The following PLXDC2 variants were observed in gnomAD, a reference collection of about 807,000 sequenced individuals.
PLXDC2 encodes plexin domain-containing protein 2.
A neutral mutation model predicts 68.9 loss-of-function variants in PLXDC2; 40 were observed. The observed-to-expected ratio is 0.58, with a 90% CI of 0.45 to 0.76. PLXDC2 has a LOEUF of 0.76. Among genes scored for constraint, PLXDC2 ranks in the 30% least tolerant of loss-of-function variants. PLXDC2 has a pLI of 0.00. For missense variants in PLXDC2, 644 were observed against 661.9 expected, an observed-to-expected ratio of 0.97 and a Z score of 0.30; for synonymous variants, 243 against 234.2, an observed-to-expected ratio of 1.04 and a Z score of -0.34.
chr10:20,091,089 G>T (rs578137362), intron 4 of PLXDC2, among the ~76,000 whole-genome samples: 3 of 152,172 alleles, frequency 2.0e-5, no homozygotes, highest in Non-Finnish European at 4.4e-5. Flanking sequence ...ACATCAATAT[G>T]TGATATGTTC....
chr10:20,071,628 G>C, intron 4 of PLXDC2, among the ~76,000 whole-genome samples: 1 of 152,174 alleles, frequency 6.6e-6, no homozygotes, highest in East Asian at 1.9e-4. Context: ...ATGTACAACT[G>C]TGAGTCCATT....
rs1834188407 is a variant in PLXDC2, at chr10:20,154,225, G to T, written c.783+6323G>T. Among the ~76,000 whole-genome samples, 4 of 152,178 alleles carry T rather than the reference G, an allele frequency of 2.6e-5. No individual in the cohort carries two copies. The South Asian group carries it at 8.3e-4, about 32-fold the overall frequency. On this transcript the variant is annotated intron_variant, in intron 6 of 13. Transcript: ENST00000377252. ...AATAGATATGGTTCTAAAATTTGTGGTCTATTGATAATGTAACAAGGAAAC... is the reference window on the plus strand; with the variant it reads ...AATAGATATGGTTCTAAAATTTGTGTTCTATTGATAATGTAACAAGGAAAC...
chr10:20,045,660 T>C (rs12098493), intron 2 of PLXDC2, among the ~76,000 whole-genome samples: 15,814 of 152,154 alleles, frequency 0.1, 964 homozygotes, highest in South Asian at 0.3. Flanking sequence ...ATACATGGGA[T>C]TCATGTTTTG....
At chr10:20,265,396 A>G (rs1400370178) in intron 13 of PLXDC2, among the ~76,000 whole-genome samples, 1 of 152,172 alleles carries the variant, frequency 6.6e-6, no homozygotes, top group Non-Finnish European at 1.5e-5. Context: ...CTGCTGTAAC[A>G]CACATCTCAT....
At chr10:20,191,939 T>G (rs1834771158) in intron 9 of PLXDC2, among the ~76,000 whole-genome samples, 1 of 152,170 alleles carries the variant, frequency 6.6e-6, no homozygotes, top group African/African-American at 2.4e-5. Flanking sequence ...ACCTTTTATT[T>G]TGTATTTACT....
intron 2 of PLXDC2, among the ~76,000 whole-genome samples, chr10:20,030,026 T>C (rs1348132691): frequency 2.0e-5 from 3 of 152,084 alleles, no homozygotes; most frequent in Admixed American, 6.6e-5. Flanking sequence ...TGCTAAAAGT[T>C]CCTCTATGCC....
At chr10:20,237,207 T>C (rs1457589663) in intron 12 of PLXDC2, among the ~76,000 whole-genome samples, 1 of 152,136 alleles carries the variant, frequency 6.6e-6, no homozygotes, top group Non-Finnish European at 1.5e-5. Context: ...GTGATTACCC[T>C]AATCCCTTCT....
chr10:20,046,571 A>G (rs1835802698), intron 2 of PLXDC2, among the ~76,000 whole-genome samples: 1 of 152,106 alleles, frequency 6.6e-6, no homozygotes, highest in African/African-American at 2.4e-5. Context: ...CCTGGATTTC[A>G]GTAATCATTT....
At position 20,255,417 on chromosome 10, in the gene PLXDC2, A is replaced by G. The variant is rs561136866; in HGVS notation, c.1473+9912A>G. Among the ~76,000 whole-genome samples, 4 of 152,262 alleles carry G rather than the reference A, an allele frequency of 2.6e-5. No individual in the cohort carries two copies. In the South Asian group the frequency reaches 8.3e-4, roughly 32 times the overall value. ...AGAGACTACTCTACTGACAGTACCA[A>G]CTGTTGAATAATTTCTTCCTTGTGA... is the stretch of plus-strand genomic sequence containing the variant. On this transcript the variant is annotated intron_variant, in intron 13 of 13. Transcript: ENST00000377252.
intron 2 of PLXDC2, among the ~76,000 whole-genome samples, chr10:20,034,088 C>T (rs1448354137): frequency 6.6e-6 from 1 of 152,138 alleles, no homozygotes; most frequent in African/African-American, 2.4e-5. Flanking sequence ...TAAAGAGAGA[C>T]TCCTTCAAGG....
chr10:20,026,069 C>T (rs764356993), intron 2 of PLXDC2, among the ~76,000 whole-genome samples: 7 of 151,886 alleles, frequency 4.6e-5, no homozygotes, highest in African/African-American at 9.7e-5. Context: ...GTAGAGTATT[C>T]GATTATTCAA....
At chr10:20,229,976 A>G (rs926928498) in intron 12 of PLXDC2, among the ~76,000 whole-genome samples, 1 of 152,236 alleles carries the variant, frequency 6.6e-6, no homozygotes, top group Admixed American at 6.5e-5. Context: ...AGGAATTTAA[A>G]TGGAATTCTA....
intron 1 of PLXDC2, among the ~76,000 whole-genome samples, chr10:19,877,295 G>C (rs1045338046): frequency 5.9e-5 from 9 of 152,048 alleles, no homozygotes; most frequent in Admixed American, 1.3e-4. Context: ...AGCAAACTGG[G>C]ACTTGACAAA....
chr10:19,851,478 G>A (rs191415439), intron 1 of PLXDC2, among the ~76,000 whole-genome samples: 3 of 152,104 alleles, frequency 2.0e-5, no homozygotes, highest in East Asian at 1.9e-4. Flanking sequence ...TGTCTTTGAC[G>A]GGGCATATGA....
chr10:19,947,772 GTTAA>G (rs1833927977), intron 1 of PLXDC2, among the ~76,000 whole-genome samples: 1 of 119,288 alleles, frequency 8.4e-6, no homozygotes, highest in African/African-American at 3.2e-5. Context: ...TTTTACTATA[GTTAA>G]TTATTATATT....
intron 1 of PLXDC2, among the ~76,000 whole-genome samples, chr10:19,852,556 A>G (rs1837141581): frequency 2.6e-5 from 4 of 152,070 alleles, no homozygotes; most frequent in Admixed American, 1.3e-4. Context: ...TGAGAAATAC[A>G]AATGGATTCT....
intron 1 of PLXDC2, among the ~76,000 whole-genome samples, chr10:19,972,721 G>A (rs780567796): frequency 6.6e-6 from 1 of 152,194 alleles, no homozygotes; most frequent in Non-Finnish European, 1.5e-5. Context: ...CAGGGGCACA[G>A]TTGAGCTGTT....
At chr10:20,214,400 A>G (rs1196966403) in intron 10 of PLXDC2, among the ~76,000 whole-genome samples, 1 of 152,138 alleles carries the variant, frequency 6.6e-6, no homozygotes, top group East Asian at 1.9e-4. Context: ...GGCTACCATA[A>G]GTCTCTGCCC....
intron 1 of PLXDC2, among the ~76,000 whole-genome samples, chr10:19,990,548 G>T (rs186318053): frequency 7.9e-4 from 120 of 152,274 alleles, no homozygotes; most frequent in Middle Eastern, 3.4e-3. Context: ...GGTGTTGATA[G>T]ATTACTTCTG....
Sources: gnomAD v4.1 joint callset for allele counts (sites outside exome capture counted in the v4.1 genomes callset) on GRCh38, gnomAD v4.1.1 for gene constraint, MANE v1.5 for transcripts, NCBI Gene and HGNC (gene_info 2026-07-23, HGNC 2026-07-21) for gene names.